The following FBXO36 variants were observed in gnomAD, a reference collection of about 807,000 sequenced individuals.
FBXO36 encodes F-box only protein 36.
FBXO36 carries 18 observed loss-of-function variants against 17.0 expected under a neutral mutation model. That is an observed-to-expected ratio of 1.06 (90% CI 0.73 to 1.57). FBXO36 has a LOEUF of 1.57. FBXO36 is among the 40% of genes most tolerant of loss of function. The pLI is 0.00. For missense variants in FBXO36, 229 were observed against 221.9 expected (o/e 1.03, Z -0.20); for synonymous variants, 83 against 85.3 (o/e 0.97, Z 0.15).
At chr2:229,962,729 G>A (rs1012432609) in intron 1 of FBXO36, among the ~76,000 whole-genome samples, 3 of 151,824 alleles carry the variant, frequency 2.0e-5, no homozygotes, top group Non-Finnish European at 2.9e-5. Context: ...CCAGGCTGGA[G>A]TGCAGTGGTG....
intron 1 of FBXO36, among the ~76,000 whole-genome samples, chr2:229,926,151 G>GGT (rs1560427441): frequency 6.7e-6 from 1 of 149,660 alleles, no homozygotes; most frequent in African/African-American, 2.5e-5. Flanking sequence ...AAAAAGGGGG[G>GGT]GCTGAGCACA....
chr2:229,997,014 C>G (rs747946927), intron 3 of FBXO36, 91 bp downstream of exon 3: 102 of 1,168,368 alleles, frequency 8.7e-5, no homozygotes, highest in Non-Finnish European at 1.2e-5. Flanking sequence ...TGAGTACTAA[C>G]TTTGTGATGG....
intron 3 of FBXO36, among the ~76,000 whole-genome samples, chr2:230,003,004 A>C (rs2077368046): frequency 6.6e-6 from 1 of 151,974 alleles, no homozygotes; most frequent in South Asian, 2.1e-4. Flanking sequence ...CGAGGTCAGG[A>C]GATCAAAACC....
chr2:229,946,662 G>C (rs772504958), intron 1 of FBXO36, among the ~76,000 whole-genome samples: 3 of 152,158 alleles, frequency 2.0e-5, no homozygotes, highest in Non-Finnish European at 4.4e-5. Flanking sequence ...ACTGATAGAG[G>C]AGAGACAATT....
At chr2:229,967,189 A>G (rs368538399) in intron 1 of FBXO36, among the ~76,000 whole-genome samples, 3 of 152,192 alleles carry the variant, frequency 2.0e-5, no homozygotes, top group Non-Finnish European at 4.4e-5. Context: ...GTCTGTTATT[A>G]GTGTATAAGA....
intron 1 of FBXO36, among the ~76,000 whole-genome samples, chr2:229,935,368 C>A (rs574704353): frequency 1.1e-4 from 16 of 152,214 alleles, no homozygotes; most frequent in Admixed American, 8.5e-4. Context: ...CAAACATTAG[C>A]CAGATGTGGT....
At chr2:229,952,082 A>G (rs908675295) in intron 1 of FBXO36, among the ~76,000 whole-genome samples, 1 of 152,160 alleles carries the variant, frequency 6.6e-6, no homozygotes, top group Non-Finnish European at 1.5e-5. Flanking sequence ...AGTTATTTTA[A>G]TTACTGTATC....
intron 1 of FBXO36, among the ~76,000 whole-genome samples, chr2:229,949,818 G>A (rs898906204): frequency 3.3e-5 from 5 of 152,068 alleles, no homozygotes; most frequent in Admixed American, 1.3e-4. Flanking sequence ...CCAGCTACTC[G>A]GGAGGCTGAG....
At chr2:229,972,800 G>A (rs1331146809) in intron 1 of FBXO36, among the ~76,000 whole-genome samples, 3 of 151,916 alleles carry the variant, frequency 2.0e-5, no homozygotes, top group Admixed American at 6.6e-5. Flanking sequence ...GTGGTGGCTC[G>A]CGCCTGTAAT....
intron 1 of FBXO36, among the ~76,000 whole-genome samples, chr2:229,934,816 G>A (rs568147921): frequency 7.9e-5 from 12 of 151,948 alleles, no homozygotes; most frequent in Non-Finnish European, 1.5e-4. Flanking sequence ...AACCATGCCC[G>A]GCTAATTTTC....
intron 3 of FBXO36, among the ~76,000 whole-genome samples, chr2:229,998,303 CT>C (rs1577361964): frequency 1.3e-5 from 2 of 152,032 alleles, no homozygotes; most frequent in East Asian, 3.9e-4. Flanking sequence ...GAGATTCCAT[CT>C]CCACAGTACA....
chr2:230,005,497 G>A (rs1487626354), intron 3 of FBXO36, among the ~76,000 whole-genome samples: 2 of 151,994 alleles, frequency 1.3e-5, no homozygotes, highest in African/African-American at 4.8e-5. Context: ...TTTATCTGTA[G>A]AAAAAATTGC....
At chr2:230,008,875 C>T (rs951935831) in intron 3 of FBXO36, among the ~76,000 whole-genome samples, 1 of 152,224 alleles carries the variant, frequency 6.6e-6, no homozygotes, top group African/African-American at 2.4e-5. Flanking sequence ...ACCCTTCTAA[C>T]ATCAAAATGC....
chr2:229,956,361 A>G (rs2077087250), intron 1 of FBXO36, among the ~76,000 whole-genome samples: 1 of 152,178 alleles, frequency 6.6e-6, no homozygotes, highest in South Asian at 2.1e-4. Context: ...TCACCCTCTG[A>G]AGGTTCCGTA....
intron 1 of FBXO36, among the ~76,000 whole-genome samples, chr2:229,927,829 A>T (rs572273146): frequency 6.6e-6 from 1 of 152,202 alleles, no homozygotes; most frequent in South Asian, 2.1e-4. Context: ...GAGTTGTGGC[A>T]CTAAAGACTG....
At chr2:229,939,287 T>A (rs1398392270) in intron 1 of FBXO36, 2 of 984,392 alleles carry the variant, frequency 2.0e-6, no homozygotes, top group African/African-American at 3.5e-5. Context: ...TACAATTTTT[T>A]TGCACATTTT....
chr2:229,949,731 C>T (rs775282718), intron 1 of FBXO36, among the ~76,000 whole-genome samples: 1 of 152,052 alleles, frequency 6.6e-6, no homozygotes, highest in African/African-American at 2.4e-5. Flanking sequence ...TGAGACCATC[C>T]TGGCTGACAC....
At chr2:229,997,011 T>A (rs2077331172) in intron 3 of FBXO36, 88 bp downstream of exon 3, 2 of 1,244,380 alleles carry the variant, frequency 1.6e-6, no homozygotes, top group Non-Finnish European at 1.1e-6. Flanking sequence ...TGTTGAGTAC[T>A]AACTTTGTGA....
chr2:229,929,576 GAAAA>G (rs1319061803), intron 1 of FBXO36, among the ~76,000 whole-genome samples: 2 of 150,050 alleles, frequency 1.3e-5, no homozygotes, highest in Non-Finnish European at 3.0e-5. Context: ...AAAAAAAAAA[GAAAA>G]AGAAAGACAC....
Sources: gnomAD v4.1 joint callset for allele counts (sites outside exome capture counted in the v4.1 genomes callset) on GRCh38, gnomAD v4.1.1 for gene constraint, MANE v1.5 for transcripts, NCBI Gene and HGNC (gene_info 2026-07-23, HGNC 2026-07-21) for gene names.